Variants in LUZP2 observed in about 807,000 individuals in gnomAD.
LUZP2 encodes the protein leucine zipper protein 2.
Under a neutral mutation model 51.6 loss-of-function variants are expected in LUZP2, and 52 were observed. The observed-to-expected ratio is 1.01, with a 90% CI of 0.81 to 1.27. The LOEUF (loss-of-function observed/expected upper bound fraction) is 1.27, where lower values mean the gene tolerates loss of function less well. Ranked by LOEUF, LUZP2 falls within the 50% of genes most tolerant of loss-of-function variation. The pLI is 0.00. For synonymous variants in LUZP2, 154 were observed against 137.3 expected, an observed-to-expected ratio of 1.12 and a Z score of -0.85; for missense variants, 436 against 395.4, an observed-to-expected ratio of 1.10 and a Z score of -0.87.
At chr11:25,027,416 TAA>T (rs1191641979) in intron 9 of LUZP2, among the ~76,000 whole-genome samples, 6 of 152,284 alleles carry the variant, frequency 3.9e-5, no homozygotes, top group Non-Finnish European at 8.8e-5. Context: ...AGTTAAAAAT[TAA>T]GTTTAGAAGC....
chr11:25,062,595 A>C, intron 10 of LUZP2, among the ~76,000 whole-genome samples: 1 of 132,076 alleles, frequency 7.6e-6, no homozygotes. Context: ...GTCAAAAAAA[A>C]AAAAAAAAAA....
At chr11:24,650,177 C>T (rs949321657) in intron 1 of LUZP2, among the ~76,000 whole-genome samples, 1 of 151,872 alleles carries the variant, frequency 6.6e-6, no homozygotes, top group Admixed American at 6.6e-5. Context: ...ACATGCTGTA[C>T]ACAGATTTTT....
intron 10 of LUZP2, 126 bp downstream of exon 10, chr11:25,050,256 C>A: frequency 9.5e-5 from 17 of 179,082 alleles, no homozygotes; most frequent in Non-Finnish European, 1.4e-4. Flanking sequence ...AAGGATTGTA[C>A]TTTTAAATAT....
At chr11:25,027,778 G>A (rs960354395) in intron 9 of LUZP2, among the ~76,000 whole-genome samples, 2 of 151,222 alleles carry the variant, frequency 1.3e-5, no homozygotes, top group African/African-American at 4.9e-5. Context: ...GGCTGAGGCA[G>A]AGAATTGCTT....
At position 25,082,631 on chromosome 11, in the gene LUZP2, T is replaced by C. The variant is rs1859484748; in HGVS notation, c.*3973T>C. 1 of 152,176 alleles carries C rather than the reference T, an allele frequency of 6.6e-6. No individual in the cohort carries two copies. The highest frequency in any genetic ancestry group is 2.4e-5 in the African/African-American group (1 of 41,450). 9.4% of individuals were successfully genotyped at this position (152,176 alleles called of 1,614,324 possible). The stretch of plus-strand genomic sequence containing the variant: ...CCTATTTTTGTTCAATAAAGATTGT[T>C]ACAAGAATACAATGTATATTATCTT... On this transcript the variant is annotated 3_prime_UTR_variant, in exon 12 of 12. Transcript: ENST00000336930.
At chr11:24,726,217 T>C (rs1858469795) in intron 1 of LUZP2, among the ~76,000 whole-genome samples, 1 of 152,082 alleles carries the variant, frequency 6.6e-6, no homozygotes, top group Admixed American at 6.6e-5. Flanking sequence ...CAATCTCTAA[T>C]AAAGTAAATA....
intron 3 of LUZP2, among the ~76,000 whole-genome samples, chr11:24,737,849 T>C (rs980189424): frequency 4.6e-5 from 7 of 152,096 alleles, no homozygotes; most frequent in Non-Finnish European, 8.8e-5. Flanking sequence ...AAGTCTATGG[T>C]GACTTTTTCT....
intron 1 of LUZP2, among the ~76,000 whole-genome samples, chr11:24,656,901 G>T (rs183043213): frequency 1.2e-3 from 189 of 152,302 alleles, no homozygotes; most frequent in Middle Eastern, 3.4e-3. Context: ...ATAATTCAGG[G>T]TAATCTCTTT....
chr11:24,835,931 G>A (rs977543404), intron 5 of LUZP2, among the ~76,000 whole-genome samples: 29 of 151,886 alleles, frequency 1.9e-4, no homozygotes, highest in South Asian at 4.2e-4. Context: ...GAAACTACTC[G>A]TAAAAAATTT....
intron 5 of LUZP2, among the ~76,000 whole-genome samples, chr11:24,846,081 A>G (rs1851189614): frequency 6.6e-6 from 1 of 152,050 alleles, no homozygotes; most frequent in South Asian, 2.1e-4. Flanking sequence ...ACTTCTATTT[A>G]AGAGTCAACT....
intron 7 of LUZP2, among the ~76,000 whole-genome samples, chr11:24,957,299 A>G (rs575148476): frequency 1.2e-4 from 19 of 152,268 alleles, no homozygotes; most frequent in African/African-American, 3.8e-4. Flanking sequence ...TATGAATGCA[A>G]TGTAGAATAA....
At chr11:24,998,669 G>C (rs973901718) in intron 9 of LUZP2, among the ~76,000 whole-genome samples, 3 of 152,126 alleles carry the variant, frequency 2.0e-5, no homozygotes, top group African/African-American at 7.2e-5. Flanking sequence ...ACAAGAGTTA[G>C]TAGTTCAGCT....
intron 1 of LUZP2, among the ~76,000 whole-genome samples, chr11:24,601,563 T>C (rs926356268): frequency 1.3e-5 from 2 of 151,990 alleles, no homozygotes; most frequent in Non-Finnish European, 2.9e-5. Flanking sequence ...TCTAATGAAG[T>C]TGAATAAGAA....
At chr11:24,518,036 A>C (rs1850533434) in intron 1 of LUZP2, among the ~76,000 whole-genome samples, 1 of 152,180 alleles carries the variant, frequency 6.6e-6, no homozygotes, top group Non-Finnish European at 1.5e-5. Context: ...GTGGAAAATG[A>C]AATGGAAATG....
At chr11:24,977,577 T>G (rs1260415776) in intron 8 of LUZP2, among the ~76,000 whole-genome samples, 1 of 151,654 alleles carries the variant, frequency 6.6e-6, no homozygotes, top group Non-Finnish European at 1.5e-5. Context: ...AATCTTTAAT[T>G]CATACACCAC....
chr11:24,655,333 G>A (rs1565056663), intron 1 of LUZP2, among the ~76,000 whole-genome samples: 1 of 151,950 alleles, frequency 6.6e-6, no homozygotes, highest in Non-Finnish European at 1.5e-5. Flanking sequence ...AGAAACAGCT[G>A]TTTATATCCT....
intron 9 of LUZP2, among the ~76,000 whole-genome samples, chr11:25,038,143 A>G (rs944426144): frequency 9.2e-5 from 14 of 152,104 alleles, no homozygotes; most frequent in Admixed American, 1.3e-4. Context: ...AGGAATGCCA[A>G]TGAGTCATAG....
intron 7 of LUZP2, among the ~76,000 whole-genome samples, chr11:24,973,144 T>G (rs1297336127): frequency 6.6e-6 from 1 of 150,990 alleles, no homozygotes; most frequent in African/African-American, 2.4e-5. Flanking sequence ...ATTTATGGAT[T>G]CAGTTTCTTC....
At chr11:24,664,923 A>C (rs1437554054) in intron 1 of LUZP2, among the ~76,000 whole-genome samples, 1 of 152,160 alleles carries the variant, frequency 6.6e-6, no homozygotes, top group Non-Finnish European at 1.5e-5. Flanking sequence ...AACTTCACAC[A>C]GAGTCCCCAT....
Sources: allele counts gnomAD v4.1 joint callset (sites outside exome capture counted in the v4.1 genomes callset), GRCh38; gene constraint gnomAD v4.1.1; transcripts MANE v1.5; gene names NCBI Gene and HGNC (gene_info 2026-07-23, HGNC 2026-07-21).